CPXM2: variants seen among roughly 807,000 people sequenced by gnomAD.
The protein encoded by CPXM2 is carboxypeptidase X, M14 family member 2, also known as inactive carboxypeptidase-like protein X2.
CPXM2 carries 66 observed loss-of-function variants against 86.1 expected under a neutral mutation model. The observed-to-expected ratio is 0.77, with a 90% CI of 0.63 to 0.94. The LOEUF is 0.94. Among genes scored for constraint, CPXM2 ranks in the 40% least tolerant of loss-of-function variants. CPXM2 has a pLI of 0.00. For synonymous variants in CPXM2, 388 were observed against 400.2 expected (o/e 0.97, Z 0.36); for missense variants, 948 against 1,026.3 (o/e 0.92, Z 1.04).
At chr10:123,884,464 G>A (rs535601596) in intron 1 of CPXM2, among the ~76,000 whole-genome samples, 2 of 152,306 alleles carry the variant, frequency 1.3e-5, no homozygotes, top group South Asian at 2.1e-4. Context: ...GGAATCACCT[G>A]CACCCTTATC....
intron 2 of CPXM2, among the ~76,000 whole-genome samples, chr10:123,932,850 A>C (rs1945678172): frequency 6.6e-6 from 1 of 152,180 alleles, no homozygotes; most frequent in Non-Finnish European, 1.5e-5. Context: ...AGAAAGGGGA[A>C]GCAGGGCTTG....
intron 3 of CPXM2, among the ~76,000 whole-genome samples, chr10:123,856,877 C>CCA (rs958625084): frequency 1.8e-4 from 27 of 152,302 alleles, no homozygotes; most frequent in African/African-American, 6.0e-4. Flanking sequence ...CAGGCATGAG[C>CCA]CACCGCACCT....
upstream of CPXM2, among the ~76,000 whole-genome samples, chr10:123,943,310 T>A (rs974440414): frequency 1.3e-5 from 2 of 152,252 alleles, no homozygotes; most frequent in Non-Finnish European, 2.9e-5. Context: ...TTAAAAATTA[T>A]CCTTTTAACA....
At chr10:123,895,496 T>C (rs541996096), upstream of CPXM2, among the ~76,000 whole-genome samples, 2 of 152,342 alleles carry the variant, frequency 1.3e-5, no homozygotes, top group East Asian at 3.9e-4. Flanking sequence ...TAACTTTGCA[T>C]CTTCCACAGA....
At chr10:123,921,828 T>C (rs1467499353) in intron 2 of CPXM2, among the ~76,000 whole-genome samples, 1 of 152,250 alleles carries the variant, frequency 6.6e-6, no homozygotes, top group Non-Finnish European at 1.5e-5. Context: ...TGCAATTCCC[T>C]GGCAACATCC....
At chr10:123,829,647 A>G (rs1848123470) in intron 4 of CPXM2, among the ~76,000 whole-genome samples, 1 of 152,228 alleles carries the variant, frequency 6.6e-6, no homozygotes, top group Admixed American at 6.5e-5. Flanking sequence ...GAAATTTTTC[A>G]TGGAGATAAT....
intron 7 of CPXM2, among the ~76,000 whole-genome samples, chr10:123,773,072 TGA>T: frequency 6.6e-6 from 1 of 152,130 alleles, no homozygotes. Context: ...ATCACTTCCC[TGA>T]TTGTGGTTAT....
At chr10:123,858,799 C>T (rs1159559485) in intron 3 of CPXM2, among the ~76,000 whole-genome samples, 1 of 152,236 alleles carries the variant, frequency 6.6e-6, no homozygotes, top group Non-Finnish European at 1.5e-5. Context: ...CTTTCCATGC[C>T]TGTCACATAG....
intron 2 of CPXM2, among the ~76,000 whole-genome samples, chr10:123,866,603 G>A (rs1375974459): frequency 6.6e-6 from 1 of 151,954 alleles, no homozygotes. Flanking sequence ...CGACTTGCTT[G>A]TCTGGAGACT....
intron 4 of CPXM2, among the ~76,000 whole-genome samples, chr10:123,807,531 T>A (rs2134085634): frequency 6.6e-6 from 1 of 152,288 alleles, no homozygotes; most frequent in East Asian, 1.9e-4. Flanking sequence ...ACAACATTCC[T>A]TTACTCAAGG....
chr10:123,886,401 C>T (rs140826447), intron 1 of CPXM2, among the ~76,000 whole-genome samples: 2 of 152,166 alleles, frequency 1.3e-5, no homozygotes, highest in Non-Finnish European at 2.9e-5. Flanking sequence ...AACTGGCTTA[C>T]GGCACACACA....
intron 5 of CPXM2, among the ~76,000 whole-genome samples, chr10:123,798,575 C>T (rs1317300168): frequency 6.6e-6 from 1 of 152,134 alleles, no homozygotes; most frequent in Non-Finnish European, 1.5e-5. Flanking sequence ...AGCTGTTTCA[C>T]TTGTACAAGG....
At chr10:123,764,080 ACT>A (rs1179598161) in intron 10 of CPXM2, among the ~76,000 whole-genome samples, 1 of 152,000 alleles carries the variant, frequency 6.6e-6, no homozygotes, top group African/African-American at 2.4e-5. Context: ...ATGTTTATTA[ACT>A]CTGTTTCCTC....
upstream of CPXM2, among the ~76,000 whole-genome samples, chr10:123,943,210 G>A (rs6588747): frequency 0.32 from 47,793 of 150,520 alleles, 8,048 homozygotes; most frequent in African/African-American, 0.42. Context: ...TGAACTGGTC[G>A]TACCATACTA....
At chr10:123,817,593 A>G (rs190439727) in intron 4 of CPXM2, among the ~76,000 whole-genome samples, 1 of 152,330 alleles carries the variant, frequency 6.6e-6, no homozygotes, top group East Asian at 1.9e-4. Flanking sequence ...ATCATCAAAT[A>G]GAAGTGGTAT....
chr10:123,918,628 G>A (rs1282025385), intron 2 of CPXM2, among the ~76,000 whole-genome samples: 1 of 152,124 alleles, frequency 6.6e-6, no homozygotes, highest in Non-Finnish European at 1.5e-5. Flanking sequence ...GGCAGCTCTT[G>A]CAGTGCACAG....
intron 4 of CPXM2, among the ~76,000 whole-genome samples, chr10:123,840,988 G>C (rs1359168973): frequency 6.6e-6 from 1 of 152,196 alleles, no homozygotes; most frequent in African/African-American, 2.4e-5. Context: ...AAGATGCCAA[G>C]ACATGAGCTT....
At chr10:123,901,507 A>G (rs1945381468) in intron 2 of CPXM2, among the ~76,000 whole-genome samples, 1 of 150,488 alleles carries the variant, frequency 6.6e-6, no homozygotes, top group Admixed American at 6.6e-5. Flanking sequence ...AAGTTTTCAC[A>G]TTGCATTATA....
At chr10:123,770,333 G>A (rs1399491662) in intron 8 of CPXM2, among the ~76,000 whole-genome samples, 8 of 152,090 alleles carry the variant, frequency 5.3e-5, no homozygotes, top group African/African-American at 1.9e-4. Context: ...CTTCCGGAGA[G>A]GAACTCCTGA....
Sources: allele counts gnomAD v4.1 joint callset (sites outside exome capture counted in the v4.1 genomes callset), GRCh38; gene constraint gnomAD v4.1.1; transcripts MANE v1.5; gene names NCBI Gene and HGNC (gene_info 2026-07-23, HGNC 2026-07-21).